The following TBC1D2 variants were observed in gnomAD, a reference collection of about 807,000 sequenced individuals.
TBC1D2 encodes TBC1 domain family member 2A.
Under a neutral mutation model 91.1 loss-of-function variants are expected in TBC1D2, and 58 were observed. The observed-to-expected ratio is 0.64, with a 90% CI of 0.52 to 0.79. TBC1D2 has a LOEUF of 0.79. Among genes scored for constraint, TBC1D2 ranks in the 30% least tolerant of loss-of-function variants. The probability of loss-of-function intolerance (pLI) is 0.00; values close to 1 mark genes in which losing one functional copy is unlikely to be tolerated. For missense variants in TBC1D2, 1,080 were observed against 1,208.3 expected (o/e 0.89, Z 1.57); for synonymous variants, 482 against 511.5 (o/e 0.94, Z 0.78).
At chr9:98,206,724 A>G (rs1363017310) in intron 9 of TBC1D2, among the ~76,000 whole-genome samples, 1 of 152,182 alleles carries the variant, frequency 6.6e-6, no homozygotes, top group Non-Finnish European at 1.5e-5. Flanking sequence ...TGGTGAGACA[A>G]CGGGCAGGTT....
In TBC1D2 at chr9:98,255,231, G is replaced by A. The variant is rs1349005439; in HGVS notation, c.311C>T (p.Ala104Val). The A allele has an allele frequency of 6.2e-7, 1 of 1,613,720 alleles. No individual in the cohort carries two copies. Among genetic ancestry groups the A allele is most frequent in the Non-Finnish European group, 8.5e-7 (1 of 1,179,730 alleles). ...DLSSAVFDCK[A>V]DAEEGIFEIK... ...TTCGAAGATCCCCTCCTCAGCGTCC[G>A]CCTTACAGTCAAACACTGCACTGGA... Residue 104 changes from alanine to valine, a missense_variant, in exon 1 of 13, where the codon GCG becomes GTG. By Grantham distance (64) the Ala-to-Val change is moderately conservative (BLOSUM62 0). Transcript: ENST00000465784.
rs1250986220 is a variant in TBC1D2, at chr9:98,203,408, C to A, written c.2151G>T (p.Arg717Ser). The stretch of plus-strand genomic sequence containing the variant: ...GGACCAGCAGGGCAATGGCCGCCAG[C>A]CTGGAGTAGTAGGGAAGGCCTGGAG... Reference protein sequence around the residue: ...PTIGYCQGLNRLAAIALLVLE... With the variant: ...PTIGYCQGLNSLAAIALLVLE... The change falls in exon 10 of 13, where the codon AGG (arginine) becomes AGT (serine). Residue 717 changes from arginine (R) to serine (S), a missense_variant and splice_region_variant. Transcript: ENST00000465784. 1.6e-5 allele frequency: 26 copies of A among 1,614,090 alleles called. No homozygotes were observed. Among genetic ancestry groups the A allele is most frequent in the Non-Finnish European group, 2.1e-5 (25 of 1,180,022 alleles).
chr9:98,219,544 G>A (rs949891032), intron 6 of TBC1D2, among the ~76,000 whole-genome samples: 10 of 152,208 alleles, frequency 6.6e-5, no homozygotes, highest in African/African-American at 2.4e-4. Flanking sequence ...TAGACTGGAC[G>A]CAGACAAACC....
At chr9:98,215,622 C>G (rs1302755375) in intron 6 of TBC1D2, among the ~76,000 whole-genome samples, 1 of 152,206 alleles carries the variant, frequency 6.6e-6, no homozygotes. Flanking sequence ...ATCCTCCCAC[C>G]TCAGCCTGTC....
chr9:98,242,072 G>T (rs757730259), intron 3 of TBC1D2, among the ~76,000 whole-genome samples: 2 of 152,114 alleles, frequency 1.3e-5, no homozygotes, highest in Non-Finnish European at 2.9e-5. Flanking sequence ...CAGAACCAGG[G>T]GTCCCTTATC....
intron 2 of TBC1D2, among the ~76,000 whole-genome samples, chr9:98,249,617 G>C (rs1226141661): frequency 6.6e-6 from 1 of 152,176 alleles, no homozygotes; most frequent in Non-Finnish European, 1.5e-5. Context: ...GGCTGGAGCA[G>C]AAGCAAAGAA....
chr9:98,235,370 C>A, intron 3 of TBC1D2: 1 of 453,982 alleles, frequency 2.2e-6, no homozygotes. Flanking sequence ...ACCACAGTTA[C>A]AAGGAATTCC....
In TBC1D2 at chr9:98,238,565, C is replaced by G. The variant is rs1482108578; in HGVS notation, c.648-5016G>C. On this transcript the variant is annotated intron_variant, in intron 3 of 12. Transcript: ENST00000465784. ...ACTTTTTTCCTTCCCAATCTGGATG[C>G]CTAATTTCATGTTCTTGCCTAATTG... Among the ~76,000 whole-genome samples, 4 of 136,786 alleles carry G rather than the reference C, an allele frequency of 2.9e-5. 1 individual carries two copies. Among genetic ancestry groups the G allele is most frequent in the Admixed American group, 1.4e-4 (2 of 14,796 alleles). 89.7% of individuals were successfully genotyped at this position (136,786 alleles called of 152,430 possible).
rs947986199 is a variant in TBC1D2 at position 98,255,203 on chromosome 9, G to C, written c.339C>G (p.Ile113Met). The C allele has an allele frequency of 6.2e-7, 1 of 1,610,544 alleles. No individual in the cohort carries two copies. Among genetic ancestry groups the C allele is most frequent in the Non-Finnish European group, 8.5e-7 (1 of 1,177,356 alleles). Residue 113 changes from isoleucine (I) to methionine (M), a missense_variant, in exon 1 of 13, where the codon ATC becomes ATG. Ile to Met is a conservative substitution (Grantham distance 10). Transcript: ENST00000465784. Reference protein sequence around the residue: ...KADAEEGIFEIKTPSRVITLK... With the variant: ...KADAEEGIFEMKTPSRVITLK... ...GGGTAATAACCCGGCTGGGAGTCTT[G>C]ATTTCGAAGATCCCCTCCTCAGCGT...
At chr9:98,247,544 C>T (rs988087023) in intron 2 of TBC1D2, among the ~76,000 whole-genome samples, 1 of 151,832 alleles carries the variant, frequency 6.6e-6, no homozygotes, top group African/African-American at 2.4e-5. Flanking sequence ...CCAGGTAACA[C>T]AGTGAAACTC....
chr9:98,245,397 T>A (rs1193844419), intron 2 of TBC1D2, among the ~76,000 whole-genome samples: 5 of 151,216 alleles, frequency 3.3e-5, no homozygotes, highest in Non-Finnish European at 7.4e-5. Context: ...CAAAACCCCA[T>A]CTCTACAAAA....
In TBC1D2 at chr9:98,228,812, C is replaced by T. The variant is rs1261894979; in HGVS notation, c.978+140G>A. 2.6e-6 allele frequency: 2 copies of T among 770,730 alleles called. No individual in the cohort carries two copies. Among genetic ancestry groups the T allele is most frequent in the African/African-American group, 3.5e-5 (2 of 57,678 alleles). 47.7% of individuals were successfully genotyped at this position (770,730 alleles called of 1,614,324 possible). A position where few individuals can be genotyped will look rare whatever the true frequency, so the allele number is the denominator to read the frequency against. ...TTGAGTAATCAACAGCATATTTCAA[C>T]ATTCTGCAGTTTGGCCTTTAAAGAC... On this transcript the variant is annotated intron_variant, in intron 5 of 12. Transcript: ENST00000465784. The surrounding 1 kb of genome is among the most constrained non-coding windows in gnomAD (Gnocchi z 4.0).
In TBC1D2 at chr9:98,199,095, A is replaced by G; in HGVS notation, c.*286T>C. 7.0e-6 allele frequency: 4 copies of G among 572,942 alleles called. No homozygotes were observed. Among genetic ancestry groups the G allele is most frequent in the South Asian group, 2.1e-5 (1 of 48,222 alleles). 35.5% of individuals were successfully genotyped at this position (572,942 alleles called of 1,614,324 possible). A position where few individuals can be genotyped will look rare whatever the true frequency, so the allele number is the denominator to read the frequency against. On this transcript the variant is annotated 3_prime_UTR_variant, in exon 13 of 13. Coordinates refer to ENST00000465784, the MANE Select transcript of TBC1D2 (RefSeq NM_001267571.2). ...CCTAGAGAATGTTCCAGGTTACCCT[A>G]TAGAGGCAGTGCTCTTGCTTGTTTA...
At chr9:98,231,882 C>G (rs1829377894) in intron 4 of TBC1D2, among the ~76,000 whole-genome samples, 1 of 152,096 alleles carries the variant, frequency 6.6e-6, no homozygotes, top group African/African-American at 2.4e-5. Context: ...GTCAAAGAAG[C>G]CAGTCACAGC....
chr9:98,228,284 A>C lies in TBC1D2; in HGVS notation c.978+668T>G, dbSNP rs1326731205. Among the ~76,000 whole-genome samples, 1 of 152,116 alleles carries C rather than the reference A, an allele frequency of 6.6e-6. No homozygotes were observed. The highest frequency in any genetic ancestry group is 1.5e-5 in the Non-Finnish European group (1 of 68,024). ...AGCCCTCTCACATCTTTGCCCTGGG[A>C]CCCTCACTACTTCATAAGGTAGCCC... is the stretch of plus-strand genomic sequence containing the variant. On this transcript the variant is annotated intron_variant, in intron 5 of 12. Coordinates refer to ENST00000465784, the MANE Select transcript of TBC1D2 (RefSeq NM_001267571.2). This position sits in a 1 kb window ranked among gnomAD's most constrained non-coding sequence, Gnocchi z 4.0.
intron 11 of TBC1D2, among the ~76,000 whole-genome samples, chr9:98,200,687 A>G (rs1828472100): frequency 6.6e-6 from 1 of 152,168 alleles, no homozygotes; most frequent in South Asian, 2.1e-4. Context: ...CATGGAGTTA[A>G]TCTGTATCTT....
intron 2 of TBC1D2, among the ~76,000 whole-genome samples, chr9:98,250,665 C>T (rs1829853760): frequency 6.6e-6 from 1 of 152,104 alleles, no homozygotes; most frequent in Admixed American, 6.6e-5. Context: ...ATGCAAAGCA[C>T]CCAGGTACAG....
intron 11 of TBC1D2, among the ~76,000 whole-genome samples, chr9:98,200,993 G>T (rs537391273): frequency 6.6e-6 from 1 of 151,166 alleles, no homozygotes; most frequent in African/African-American, 2.4e-5. Flanking sequence ...TACAGCCTTG[G>T]TGACAGAGCA....
intron 3 of TBC1D2, among the ~76,000 whole-genome samples, chr9:98,235,741 C>G (rs1483222051): frequency 1.3e-5 from 2 of 151,720 alleles, no homozygotes; most frequent in Non-Finnish European, 2.9e-5. Flanking sequence ...TCATAAGAAT[C>G]AGCAAGTTGT....
Sources: gnomAD v4.1 joint callset for allele counts (sites outside exome capture counted in the v4.1 genomes callset) on GRCh38, gnomAD v4.1.1 for gene constraint, Gnocchi (gnomAD v3.1) non-coding constraint, MANE v1.5 for transcripts, NCBI Gene and HGNC (gene_info 2026-07-23, HGNC 2026-07-21) for gene names.